The following CYP4A22 variants were observed in gnomAD, a reference collection of about 807,000 sequenced individuals.
CYP4A22 encodes the protein cytochrome P450 family 4 subfamily A member 22, also known as cytochrome P450 4A22.
In CYP4A22, 46 loss-of-function variants were observed where a neutral mutation model predicts 56.2. That is an observed-to-expected ratio of 0.82 (90% CI 0.65 to 1.05). The LOEUF (loss-of-function observed/expected upper bound fraction) is 1.05. Ranked by LOEUF, CYP4A22 falls within the 50% of genes least tolerant of loss-of-function variation. CYP4A22 has a pLI of 0.00. For synonymous variants in CYP4A22, 193 were observed against 251.1 expected, an observed-to-expected ratio of 0.77 and a Z score of 2.19; for missense variants, 541 against 645.9, an observed-to-expected ratio of 0.84 and a Z score of 1.76.
intron 11 of CYP4A22, chr1:47,146,779 A>G (rs1000090066): frequency 8.3e-5 from 82 of 987,830 alleles, no homozygotes; most frequent in Non-Finnish European, 9.9e-5. Context: ...TTCATTATAT[A>G]GTGTTCACAT....
chr1:47,145,742 C>A (rs1569814509), intron 9 of CYP4A22, 124 bp from the exon 10 acceptor site: 1 of 1,386,390 alleles, frequency 7.2e-7, no homozygotes, highest in Non-Finnish European at 1.0e-6. Flanking sequence ...CAGAATCATC[C>A]TAGTCAAAGT....
chr1:47,141,343 C>T (rs1235937631), intron 2 of CYP4A22, among the ~76,000 whole-genome samples: 3 of 152,152 alleles, frequency 2.0e-5, no homozygotes, highest in Non-Finnish European at 4.4e-5. Context: ...GCCTATGTAT[C>T]TCACCAATTC....
intron 1 of CYP4A22, among the ~76,000 whole-genome samples, chr1:47,138,679 C>T (rs35520153): frequency 7.9e-5 from 12 of 151,838 alleles, no homozygotes; most frequent in South Asian, 4.2e-4. Context: ...ATTTTATGCA[C>T]GGCCCAAGAT....
chr1:47,141,235 A>G (rs1369550316), intron 2 of CYP4A22, among the ~76,000 whole-genome samples: 1 of 152,208 alleles, frequency 6.6e-6, no homozygotes, highest in Non-Finnish European at 1.5e-5. Context: ...TGGGTTTCGA[A>G]GCTCTAATTG....
chr1:47,138,389 T>C (rs1419193888), intron 1 of CYP4A22, among the ~76,000 whole-genome samples: 2 of 152,166 alleles, frequency 1.3e-5, no homozygotes, highest in African/African-American at 4.8e-5. Flanking sequence ...ACAGGGTGTA[T>C]TGACCTCCTG....
chr1:47,147,547 T>G (rs1368784269), intron 11 of CYP4A22: 3 of 673,102 alleles, frequency 4.5e-6, no homozygotes, highest in East Asian at 2.7e-4. Flanking sequence ...ACTCACTGAG[T>G]GGCTTGTTGA....
At chr1:47,139,911 G>A (rs960209342) in intron 1 of CYP4A22, among the ~76,000 whole-genome samples, 1 of 152,252 alleles carries the variant, frequency 6.6e-6, no homozygotes, top group African/African-American at 2.4e-5. Context: ...ATTCAAGGTA[G>A]AGAAAAGAGC....
intron 11 of CYP4A22, chr1:47,147,013 G>A (rs1334209240): frequency 1.4e-5 from 14 of 985,298 alleles, no homozygotes; most frequent in Non-Finnish European, 1.7e-5. Flanking sequence ...GAGCTGGAGA[G>A]GAAAACTCCA....
In CYP4A22 at chr1:47,137,477, T is replaced by A. The variant is rs759386538; in HGVS notation, c.-9T>A. On this transcript the variant is annotated 5_prime_UTR_variant, in exon 1 of 12. Coordinates refer to ENST00000371891, the MANE Select transcript of CYP4A22 (RefSeq NM_001010969.4). ...AAGGGGCACTCAGAGATCCAGCAGG[T>A]GCTGCACCATGAGTGTCTCTGTCCT... The A allele has an allele frequency of 6.2e-6, 10 of 1,608,826 alleles. No homozygotes were observed. In the Admixed American group the frequency reaches 1.7e-4, roughly 27 times the overall value.
Position 47,149,720 on chromosome 1 carries a change from C to G in CYP4A22, c.*923C>G, listed in dbSNP as rs1645110795. On this transcript the variant is annotated 3_prime_UTR_variant, in exon 12 of 12. Coordinates refer to ENST00000371891, the MANE Select transcript of CYP4A22 (RefSeq NM_001010969.4). ...CTATTGCTGCTGTAATAAACTATCA[C>G]AATCTCAGTGATTTTAAATAACAGC... 2.0e-5 allele frequency: 3 copies of G among 152,198 alleles called. No homozygotes were observed. The South Asian group carries it at 6.2e-4, about 31-fold the overall frequency. The allele number at this position is 152,198 out of a possible 1,614,324, so 9.4% of individuals were successfully genotyped here.
rs753825027 is a variant in CYP4A22 at position 47,142,114 on chromosome 1, G to A, written c.389G>A (p.Gly130Asp). 1.9e-6 allele frequency: 3 copies of A among 1,612,700 alleles called. No individual in the cohort carries two copies. The South Asian group carries it at 3.3e-5, about 18-fold the overall frequency. The change falls in exon 4 of 12, where the codon GGC becomes GAC. Residue 130 changes from glycine to aspartate, a missense_variant. Gly to Asp is a moderately conservative substitution (Grantham distance 94, BLOSUM62 -1). Coordinates refer to ENST00000371891, the MANE Select transcript of CYP4A22 (RefSeq NM_001010969.4). ...ATATTCGTGTCTACCTTAGGGTACG[G>A]CTTGCTCCTGTTGAATGGGCAGACA... ...YKFLAPRIGY[G>D]LLLLNGQTWF... is the part of the protein sequence containing the mutation.
At chr1:47,144,519 A>C in intron 7 of CYP4A22, 31 bp from the exon 8 acceptor site, 1 of 1,613,720 alleles carries the variant, frequency 6.2e-7, no homozygotes, top group South Asian at 1.1e-5. Flanking sequence ...AGCAAGAGAC[A>C]AGCCCTGCAC....
At chr1:47,143,676 C>A in intron 5 of CYP4A22, 86 bp from the exon 6 acceptor site, 1 of 1,503,866 alleles carries the variant, frequency 6.6e-7, no homozygotes, top group Non-Finnish European at 8.9e-7. Flanking sequence ...TCCCCATTAT[C>A]CGAGGCTGCC....
chr1:47,144,962 T>A lies in CYP4A22; in HGVS notation c.1214T>A (p.Leu405Ter), dbSNP rs770257448. Residue 405 changes from leucine to a stop codon, truncating the protein, a stop_gained, in exon 9 of 12, where the codon TTG (leucine) becomes TAG (stop). Transcript: ENST00000371891. LOFTEE classifies it high-confidence loss of function. ...GTCACCTTCCCTGATGGGCGCTCCTTGCCCAAAGGTATGAAGTTTCCCCAC... is the reference window on the plus strand; with the variant it reads ...GTCACCTTCCCTGATGGGCGCTCCTAGCCCAAAGGTATGAAGTTTCCCCAC... ...TPVTFPDGRS[L>*]PKGIMVLLSI... The A allele has an allele frequency of 6.2e-7, 1 of 1,614,180 alleles. No homozygotes were observed.
At position 47,148,794 on chromosome 1, in the gene CYP4A22, T is replaced by C. The variant is rs763535941; in HGVS notation, c.1557T>C (p.Leu519=). 1.2e-6 allele frequency: 2 copies of C among 1,600,714 alleles called. No homozygotes were observed. The highest frequency in any genetic ancestry group is 2.2e-5 in the South Asian group (2 of 88,912). The change falls in exon 12 of 12, where the codon CTT becomes CTC. Residue 519 remains leucine (L), a synonymous_variant. Coordinates refer to ENST00000371891, the MANE Select transcript of CYP4A22 (RefSeq NM_001010969.4). ...LPNPCEDKDQ[L] is the part of the protein sequence containing the mutation. ...ACCCTTGTGAAGACAAGGACCAGCT[T>C]TGAGGGCCTCCACCTGCCATCCTGT...
chr1:47,141,519 C>A, intron 2 of CYP4A22, 52 bp from the exon 3 acceptor site: 1 of 1,592,358 alleles, frequency 6.3e-7, no homozygotes, highest in Non-Finnish European at 8.6e-7. Context: ...GCCTCTGAGA[C>A]TGCCTTCTTA....
At chr1:47,141,657 G>C (rs761490740) in intron 3 of CYP4A22, 42 bp downstream of exon 3, 1 of 1,601,538 alleles carries the variant, frequency 6.2e-7, no homozygotes, top group South Asian at 1.1e-5. Flanking sequence ...CCCTAGTTAG[G>C]TTTGAGTTAT....
At chr1:47,141,270 C>T (rs1454181675) in intron 2 of CYP4A22, among the ~76,000 whole-genome samples, 1 of 152,176 alleles carries the variant, frequency 6.6e-6, no homozygotes, top group Middle Eastern at 3.2e-3. Flanking sequence ...CAGGAGGTGA[C>T]TAGGAAAACA....
intron 1 of CYP4A22, among the ~76,000 whole-genome samples, chr1:47,139,252 G>A (rs1644980491): frequency 6.6e-6 from 1 of 152,156 alleles, no homozygotes. Context: ...GTGAAGGGCC[G>A]ACTCTTTTTT....
Sources: allele counts gnomAD v4.1 joint callset (sites outside exome capture counted in the v4.1 genomes callset), GRCh38; gene constraint gnomAD v4.1.1; transcripts MANE v1.5; gene names NCBI Gene and HGNC (gene_info 2026-07-23, HGNC 2026-07-21).